The following AGMO variants were observed in gnomAD, a reference collection of about 807,000 sequenced individuals.
The protein encoded by AGMO is alkylglycerol monooxygenase, also known as glyceryl-ether monooxygenase.
A neutral mutation model predicts 60.2 loss-of-function variants in AGMO; 75 were observed. The ratio of observed to expected loss-of-function variants is 1.25; its 90% CI spans 1.03 to 1.51. AGMO has a LOEUF of 1.51. AGMO is among the 40% of genes most tolerant of loss of function. The pLI is 0.00. For synonymous variants in AGMO, 261 were observed against 177.1 expected (o/e 1.47, Z -3.76); for missense variants, 763 against 525.5 (o/e 1.45, Z -4.42).
intron 5 of AGMO, among the ~76,000 whole-genome samples, chr7:15,406,117 A>G (rs532933228): frequency 6.6e-6 from 1 of 151,580 alleles, no homozygotes; most frequent in Non-Finnish European, 1.5e-5. Flanking sequence ...TTCTGTTGGG[A>G]AAGAGTCACT....
intron 6 of AGMO, among the ~76,000 whole-genome samples, chr7:15,392,742 T>C (rs1281427259): frequency 1.3e-5 from 2 of 152,116 alleles, no homozygotes; most frequent in Admixed American, 1.3e-4. Context: ...GATGTTGCAG[T>C]GAGCCCAGAT....
At chr7:15,248,069 G>T (rs1782801912) in intron 12 of AGMO, among the ~76,000 whole-genome samples, 1 of 149,552 alleles carries the variant, frequency 6.7e-6, no homozygotes, top group African/African-American at 2.4e-5. Context: ...GAAACTATAA[G>T]CATGAATGTA....
rs538872689 is a variant in AGMO, at chr7:15,447,108, G to T, written c.410-16000C>A. On this transcript the variant is annotated intron_variant, in intron 3 of 12. Transcript: ENST00000342526. ...ATAAACAGCAGTAGTACTCTTTTAA[G>T]TTCCAGACATTTTTAGCAATGCTAA... 3.3e-5 allele frequency among the ~76,000 whole-genome samples: 5 copies of T among 152,286 alleles called. No individual in the cohort carries two copies. The East Asian group carries it at 9.7e-4, about 29-fold the overall frequency.
chr7:15,150,700 T>A, the AGMO span, among the ~76,000 whole-genome samples: 1 of 152,168 alleles, frequency 6.6e-6, no homozygotes, highest in African/African-American at 2.4e-5. Flanking sequence ...TGGATTTGAT[T>A]GGCTACTATT....
the AGMO span, among the ~76,000 whole-genome samples, chr7:15,151,007 T>C: frequency 6.6e-6 from 1 of 152,112 alleles, no homozygotes. Context: ...TAGTTATTGG[T>C]CTGTTCAGGA....
At position 15,331,368 on chromosome 7, in the gene AGMO, A is replaced by G. The variant is rs181492980; in HGVS notation, c.1263+34146T>C. Among the ~76,000 whole-genome samples the G allele has an allele frequency of 3.3e-3, 510 of 152,304 alleles. 2 individuals carry two copies. The highest frequency in any genetic ancestry group is 0.011 in the African/African-American group (469 of 41,562). On this transcript the variant is annotated intron_variant, in intron 12 of 12. Coordinates refer to ENST00000342526, the MANE Select transcript of AGMO (RefSeq NM_001004320.2). Reference sequence around the variant, plus strand: ...CACAGCCATAATTTCTGGAACAGGGATAATATATTTGTGGTTGAAATGTTG... The same window carrying G: ...CACAGCCATAATTTCTGGAACAGGGGTAATATATTTGTGGTTGAAATGTTG...
chr7:15,329,382 G>T (rs1372534756), intron 12 of AGMO, among the ~76,000 whole-genome samples: 1 of 152,138 alleles, frequency 6.6e-6, no homozygotes, highest in Non-Finnish European at 1.5e-5. Context: ...ACCAATTTAA[G>T]TTTAGTAGTG....
intron 5 of AGMO, among the ~76,000 whole-genome samples, chr7:15,398,835 G>A (rs62439264): frequency 0.26 from 39,175 of 152,072 alleles, 5,727 homozygotes; most frequent in Middle Eastern, 0.38. Context: ...GAAGCTCAGA[G>A]AGGTTAAACT....
intron 12 of AGMO, among the ~76,000 whole-genome samples, chr7:15,320,124 A>AAGG (rs397972594): frequency 9.7e-6 from 1 of 103,506 alleles, no homozygotes. Flanking sequence ...GGGGTGGGGG[A>AAGG]GGGGGAAGGG....
chr7:15,535,042 A>C (rs2128544112), intron 3 of AGMO, among the ~76,000 whole-genome samples: 1 of 152,076 alleles, frequency 6.6e-6, no homozygotes. Flanking sequence ...TGTGAAAATT[A>C]TACTTTTGTT....
At chr7:15,141,355 C>T in the AGMO span, among the ~76,000 whole-genome samples, 15 of 152,042 alleles carry the variant, frequency 9.9e-5, no homozygotes, top group African/African-American at 2.7e-4. Context: ...AGGCCGCAGC[C>T]GGCAGATTGC....
chr7:15,122,677 C>A, the AGMO span, among the ~76,000 whole-genome samples: 1 of 152,082 alleles, frequency 6.6e-6, no homozygotes, highest in Non-Finnish European at 1.5e-5. Flanking sequence ...TTCTATTTCT[C>A]TAACAGTCAC....
In AGMO at chr7:15,385,535, A is replaced by G. The variant is rs781025961; in HGVS notation, c.985T>C (p.Ser329Pro). Reference sequence around the variant, plus strand: ...ATCTTTAATAGCTGAGATGAAGATGATGAGAAGGGAACTTCTTTGCCGGTG... The same window carrying G: ...ATCTTTAATAGCTGAGATGAAGATGGTGAGAAGGGAACTTCTTTGCCGGTG... ...EVTGKEVPFSSSSSQLLKIYT... is the reference protein window; with the variant it reads ...EVTGKEVPFSPSSSQLLKIYT... Residue 329 changes from serine (S) to proline (P), a missense_variant, in exon 10 of 13, where the codon TCA (serine) becomes CCA (proline). By Grantham distance (74) the Ser-to-Pro change is moderately conservative. Coordinates refer to ENST00000342526, the MANE Select transcript of AGMO (RefSeq NM_001004320.2). 3 of 1,612,696 alleles carry G rather than the reference A, an allele frequency of 1.9e-6. No homozygotes were observed. Among genetic ancestry groups the G allele is most frequent in the Admixed American group, 1.7e-5 (1 of 59,960 alleles).
chr7:15,462,860 G>T (rs1431266300), intron 3 of AGMO, among the ~76,000 whole-genome samples: 1 of 152,120 alleles, frequency 6.6e-6, no homozygotes, highest in Non-Finnish European at 1.5e-5. Context: ...ACTCATGTCT[G>T]CCCTAAAAGT....
At chr7:15,129,440 T>C in the AGMO span, among the ~76,000 whole-genome samples, 1 of 152,178 alleles carries the variant, frequency 6.6e-6, no homozygotes, top group Non-Finnish European at 1.5e-5. Flanking sequence ...TCACATCACA[T>C]TTAAAGAATC....
chr7:15,175,342 C>G, the AGMO span, among the ~76,000 whole-genome samples: 1 of 151,856 alleles, frequency 6.6e-6, no homozygotes. Context: ...TTCACTTACT[C>G]AGAATCGCCA....
intron 3 of AGMO, among the ~76,000 whole-genome samples, chr7:15,496,449 C>T (rs897509768): frequency 3.9e-5 from 6 of 152,020 alleles, no homozygotes; most frequent in African/African-American, 1.4e-4. Flanking sequence ...GGCTTAGATT[C>T]CCTAAACTCA....
At chr7:15,444,794 T>A (rs2128503392) in intron 3 of AGMO, among the ~76,000 whole-genome samples, 1 of 152,328 alleles carries the variant, frequency 6.6e-6, no homozygotes, top group Admixed American at 6.5e-5. Context: ...CAAGTATGTA[T>A]CTGCAGCTCT....
intron 10 of AGMO, among the ~76,000 whole-genome samples, chr7:15,377,674 C>G (rs1783507418): frequency 6.6e-6 from 1 of 151,998 alleles, no homozygotes; most frequent in South Asian, 2.1e-4. Context: ...AGTATATCAA[C>G]AGTTGGATAT....
Sources: gnomAD v4.1 joint callset for allele counts (sites outside exome capture counted in the v4.1 genomes callset) on GRCh38, gnomAD v4.1.1 for gene constraint, MANE v1.5 for transcripts, NCBI Gene and HGNC (gene_info 2026-07-23, HGNC 2026-07-21) for gene names.